AADAT: variants seen among roughly 807,000 people sequenced by gnomAD.
AADAT encodes the protein aminoadipate aminotransferase.
In AADAT, 25 loss-of-function variants were observed where a neutral mutation model predicts 56.2. The observed-to-expected ratio is 0.44, with a 90% CI of 0.32 to 0.62. The LOEUF (loss-of-function observed/expected upper bound fraction) is 0.62. AADAT is among the 20% of genes least tolerant of loss of function. The pLI is 0.04. For missense variants in AADAT, 387 were observed against 510.5 expected (o/e 0.76, Z 2.33); for synonymous variants, 173 against 164.7 (o/e 1.05, Z -0.39).
At position 170,061,359 on chromosome 4, in the gene AADAT, A is replaced by C. The variant is rs1731178583; in HGVS notation, c.1237-390T>G. Among the ~76,000 whole-genome samples, 3 of 152,344 alleles carry C rather than the reference A, an allele frequency of 2.0e-5. No homozygotes were observed. The South Asian group carries it at 6.2e-4, about 32-fold the overall frequency. ...AACACATTTAATGACATGAGAAAGC[A>C]AGTAAATAAAGAACATGCCAAAAAT... is the stretch of plus-strand genomic sequence containing the variant. On this transcript the variant is annotated intron_variant, in intron 12 of 12. Coordinates refer to ENST00000337664, the MANE Select transcript of AADAT (RefSeq NM_016228.4).
At chr4:170,083,535 A>G (rs1479009884) in intron 3 of AADAT, among the ~76,000 whole-genome samples, 3 of 152,044 alleles carry the variant, frequency 2.0e-5, no homozygotes, top group Admixed American at 2.0e-4. Flanking sequence ...AGGGATTAAC[A>G]AGTCAATAGC....
chr4:170,091,844 T>C (rs1245708946), upstream of AADAT: 2 of 152,334 alleles, frequency 1.3e-5, no homozygotes, highest in African/African-American at 2.4e-5. Flanking sequence ...AGAATCTTTA[T>C]GTCTAGCTAA....
Position 170,089,728 on chromosome 4 carries a change from G to T in AADAT, c.-38C>A, listed in dbSNP as rs369172941. ...CCAAGCATCAAGCTTCTTCTTCAGT[G>T]GTTGAGGACTAGAAAAACCAAAGAG... On this transcript the variant is annotated 5_prime_UTR_variant, in exon 1 of 13. Coordinates refer to ENST00000337664, the MANE Select transcript of AADAT (RefSeq NM_016228.4). 78 of 1,609,048 alleles carry T rather than the reference G, an allele frequency of 4.8e-5. No individual in the cohort carries two copies. The highest frequency in any genetic ancestry group is 6.5e-5 in the Non-Finnish European group (76 of 1,176,032).
At chr4:170,062,636 T>C (rs1385581785) in intron 11 of AADAT, among the ~76,000 whole-genome samples, 1 of 152,202 alleles carries the variant, frequency 6.6e-6, no homozygotes, top group Non-Finnish European at 1.5e-5. Context: ...GACTGTAAGC[T>C]CCATTTCCTC....
At chr4:170,091,228 T>G (rs2955255), upstream of AADAT, among the ~76,000 whole-genome samples, 95,023 of 151,958 alleles carry the variant, frequency 0.63, 31,059 homozygotes, top group East Asian at 0.98. Context: ...GGGAGGTGTG[T>G]AGGGAGAGGC....
At chr4:170,073,074 C>T in intron 5 of AADAT, 62 bp downstream of exon 5, 2 of 1,503,280 alleles carry the variant, frequency 1.3e-6, no homozygotes, top group Admixed American at 1.8e-5. Flanking sequence ...TTGCATAGTG[C>T]TCTTCTAAAA....
chr4:170,090,214 C>T (rs1440195952), upstream of AADAT: 3 of 152,276 alleles, frequency 2.0e-5, no homozygotes, highest in Non-Finnish European at 1.5e-5. Flanking sequence ...GAGGCTAGCC[C>T]AGGGGCTGAC....
At chr4:170,077,791 T>C (rs1161535979) in intron 4 of AADAT, among the ~76,000 whole-genome samples, 2 of 152,228 alleles carry the variant, frequency 1.3e-5, no homozygotes, top group African/African-American at 4.8e-5. Context: ...TCTAATTCTT[T>C]TGTCACATGG....
chr4:170,061,535 C>G lies in AADAT; in HGVS notation c.1236+357G>C, dbSNP rs115036171. Among the ~76,000 whole-genome samples the G allele has an allele frequency of 2.4e-3, 371 of 152,230 alleles. 1 individual carries two copies. Among genetic ancestry groups the G allele is most frequent in the African/African-American group, 8.3e-3 (345 of 41,536 alleles). ...TTATTCTATTTGACCCTTGCTGATACTTTTTTCTTCAGAGAAAGTGACAGC... is the reference window on the plus strand; with the variant it reads ...TTATTCTATTTGACCCTTGCTGATAGTTTTTTCTTCAGAGAAAGTGACAGC... On this transcript the variant is annotated intron_variant, in intron 12 of 12. Coordinates refer to ENST00000337664, the MANE Select transcript of AADAT (RefSeq NM_016228.4).
intron 3 of AADAT, among the ~76,000 whole-genome samples, chr4:170,082,932 C>T (rs1434549986): frequency 2.0e-5 from 3 of 151,336 alleles, no homozygotes; most frequent in African/African-American, 7.3e-5. Flanking sequence ...GAATGTAATA[C>T]AATAATAGTA....
upstream of AADAT, among the ~76,000 whole-genome samples, chr4:170,092,493 C>T (rs1166702968): frequency 3.9e-5 from 6 of 152,228 alleles, no homozygotes; most frequent in Non-Finnish European, 7.3e-5. Context: ...TCTGGACACA[C>T]TGACTTTAAG....
At chr4:170,093,752 CA>C (rs1732935437), upstream of AADAT, among the ~76,000 whole-genome samples, 1 of 152,080 alleles carries the variant, frequency 6.6e-6, no homozygotes, top group Admixed American at 6.5e-5. Flanking sequence ...AACACCACTA[CA>C]CCAGGATAAT....
upstream of AADAT, among the ~76,000 whole-genome samples, chr4:170,092,926 A>G (rs1401487031): frequency 6.6e-6 from 1 of 152,250 alleles, no homozygotes; most frequent in Non-Finnish European, 1.5e-5. Context: ...CCATGCACAC[A>G]GATCCTTATG....
chr4:170,062,415 T>A (rs1731237620), intron 11 of AADAT, among the ~76,000 whole-genome samples: 1 of 152,054 alleles, frequency 6.6e-6, no homozygotes, highest in Admixed American at 6.5e-5. Flanking sequence ...ATAAATTACA[T>A]CAGGCAAAAA....
chr4:170,061,158 G>A (rs1313013320), intron 12 of AADAT, among the ~76,000 whole-genome samples, 189 bp from the exon 13 acceptor site: 1 of 152,098 alleles, frequency 6.6e-6, no homozygotes, highest in East Asian at 1.9e-4. Flanking sequence ...GAAGACTGAA[G>A]TACATCAGAT....
At chr4:170,088,118 T>C (rs1201635572) in intron 2 of AADAT, among the ~76,000 whole-genome samples, 4 of 151,878 alleles carry the variant, frequency 2.6e-5, no homozygotes, top group Non-Finnish European at 5.9e-5. Context: ...TCATTTGCGA[T>C]TGAGAAGCAA....
intron 8 of AADAT, among the ~76,000 whole-genome samples, chr4:170,068,138 C>CAAAAAAA (rs1217763818): frequency 1.4e-5 from 1 of 72,920 alleles, no homozygotes; most frequent in African/African-American, 4.8e-5. Flanking sequence ...GACTCTGTCT[C>CAAAAAAA]AAAAAAAAAA....
rs1027041720 is a variant in AADAT at position 170,067,491 on chromosome 4, AGATAT to A, written c.901-108_901-104del. On this transcript the variant is annotated intron_variant, in intron 8 of 12. Coordinates refer to ENST00000337664, the MANE Select transcript of AADAT (RefSeq NM_016228.4). ...TTTTGATTACATGTAAACCACAATAAGATATAACAAGCTGAGCCTAGCTTATATAG... is the reference window on the plus strand; with the variant it reads ...TTTTGATTACATGTAAACCACAATAAAACAAGCTGAGCCTAGCTTATATAG... 1.0e-4 allele frequency: 80 copies of A among 797,036 alleles called. No homozygotes were observed. In the East Asian group the frequency reaches 1.5e-3, roughly 15 times the overall value. The allele number at this position is 797,036 out of a possible 1,614,324, so 49.4% of individuals were successfully genotyped here.
At position 170,078,506 on chromosome 4, in the gene AADAT, C is replaced by T; in HGVS notation, c.444+3G>A. On this transcript the variant is annotated splice_donor_region_variant and intron_variant, in intron 4 of 12. Coordinates refer to ENST00000337664, the MANE Select transcript of AADAT (RefSeq NM_016228.4). ...GTTGCCTTTAGTAAAAATGTATACT[C>T]ACACTTTGAAGAGTTCCTGAATAAG... The T allele has an allele frequency of 1.3e-6, 2 of 1,591,092 alleles. No homozygotes were observed. The highest frequency in any genetic ancestry group is 1.1e-5 in the South Asian group (1 of 88,392).
Sources: allele counts gnomAD v4.1 joint callset (sites outside exome capture counted in the v4.1 genomes callset), GRCh38; gene constraint gnomAD v4.1.1; transcripts MANE v1.5; gene names NCBI Gene and HGNC (gene_info 2026-07-23, HGNC 2026-07-21).